FSTL5: variants seen among roughly 807,000 people sequenced by gnomAD.
The protein encoded by FSTL5 is follistatin like 5, also known as follistatin-related protein 5.
In FSTL5, 62 loss-of-function variants were observed where a neutral mutation model predicts 89.1. The observed-to-expected ratio is 0.70, with a 90% CI of 0.57 to 0.86. The LOEUF is 0.86. Ranked by LOEUF, FSTL5 falls within the 40% of genes least tolerant of loss-of-function variation. The pLI is 0.00. For synonymous variants in FSTL5, 383 were observed against 346.2 expected, an observed-to-expected ratio of 1.11 and a Z score of -1.18; for missense variants, 1,057 against 1,001.6, an observed-to-expected ratio of 1.06 and a Z score of -0.75.
At chr4:161,943,723 T>A (rs1038267684) in intron 3 of FSTL5, among the ~76,000 whole-genome samples, 2 of 151,258 alleles carry the variant, frequency 1.3e-5, no homozygotes, top group African/African-American at 4.9e-5. Context: ...GCCCGGCTAA[T>A]TTTTTGTATT....
At chr4:161,934,626 G>T (rs62331240) in intron 3 of FSTL5, among the ~76,000 whole-genome samples, 75,427 of 151,180 alleles carry the variant, frequency 0.5, 20,434 homozygotes, top group Non-Finnish European at 0.61. Context: ...GTTTTTTTTC[G>T]TTCTTTCTTT....
At chr4:161,952,217 CTCTT>C (rs1223172184) in intron 3 of FSTL5, among the ~76,000 whole-genome samples, 1 of 152,026 alleles carries the variant, frequency 6.6e-6, no homozygotes, top group Admixed American at 6.6e-5. Flanking sequence ...TCTCTTCTCT[CTCTT>C]TTTGATAGAA....
chr4:162,138,115 T>C (rs546665133), intron 1 of FSTL5, among the ~76,000 whole-genome samples: 21 of 151,286 alleles, frequency 1.4e-4, no homozygotes, highest in African/African-American at 4.4e-4. Flanking sequence ...AAAGCAGAAA[T>C]AAGAAAGTAA....
chr4:161,682,438 A>G (rs1037706981), intron 6 of FSTL5, among the ~76,000 whole-genome samples: 15 of 152,204 alleles, frequency 9.9e-5, no homozygotes, highest in African/African-American at 3.6e-4. Context: ...CACATTGTAC[A>G]GCTGCACAAC....
chr4:162,020,915 T>C (rs750775124), intron 3 of FSTL5, among the ~76,000 whole-genome samples: 16 of 152,150 alleles, frequency 1.1e-4, no homozygotes, highest in Non-Finnish European at 1.5e-4. Context: ...GAAAGGTCCT[T>C]TCATGTTTTA....
Position 161,653,403 on chromosome 4 carries a change from G to C in FSTL5, c.894+2925C>G, listed in dbSNP as rs117425273. Among the ~76,000 whole-genome samples the C allele has an allele frequency of 6.0e-3, 914 of 152,228 alleles. 9 individuals carry two copies. The highest frequency in any genetic ancestry group is 0.045 in the South Asian group (218 of 4,814). On this transcript the variant is annotated intron_variant, in intron 7 of 15. Transcript: ENST00000306100. Reference sequence around the variant, plus strand: ...TTTTCCTGTTCTTATTCATGAAATGGAATCTTGTTTATTGGTTTCTGTGTT... The same window carrying C: ...TTTTCCTGTTCTTATTCATGAAATGCAATCTTGTTTATTGGTTTCTGTGTT...
intron 6 of FSTL5, among the ~76,000 whole-genome samples, chr4:161,702,554 G>C (rs147940904): frequency 1.2e-3 from 181 of 152,190 alleles, no homozygotes; most frequent in African/African-American, 3.9e-3. Context: ...CCCTTCATCA[G>C]ACTGTGATCA....
At chr4:161,540,682 G>T (rs77626740) in intron 9 of FSTL5, among the ~76,000 whole-genome samples, 1 of 151,812 alleles carries the variant, frequency 6.6e-6, no homozygotes, top group East Asian at 1.9e-4. Flanking sequence ...TCCCCACCAG[G>T]AGCTACTATC....
At chr4:161,833,825 CTCTT>C (rs1730934427) in intron 4 of FSTL5, among the ~76,000 whole-genome samples, 1 of 151,774 alleles carries the variant, frequency 6.6e-6, no homozygotes, top group Non-Finnish European at 1.5e-5. Flanking sequence ...TGGGTCTTGA[CTCTT>C]TATCCAATTT....
At chr4:161,604,628 G>C (rs1306670175) in intron 7 of FSTL5, among the ~76,000 whole-genome samples, 1 of 152,076 alleles carries the variant, frequency 6.6e-6, no homozygotes. Context: ...AAAGTCACTG[G>C]GGTTACAAAA....
chr4:161,542,484 A>G, intron 9 of FSTL5, 48 bp downstream of exon 9: 1 of 1,244,980 alleles, frequency 8.0e-7, no homozygotes, highest in Non-Finnish European at 1.1e-6. Context: ...TTTTAGTATA[A>G]ATTTTCAACA....
intron 2 of FSTL5, among the ~76,000 whole-genome samples, chr4:162,044,660 G>T (rs1333359708): frequency 6.6e-6 from 1 of 152,180 alleles, no homozygotes; most frequent in East Asian, 1.9e-4. Context: ...ATAGGAGGTT[G>T]TTTCGTCCAA....
chr4:161,403,023 G>T (rs545334186), intron 15 of FSTL5, among the ~76,000 whole-genome samples: 1 of 152,096 alleles, frequency 6.6e-6, no homozygotes, highest in Admixed American at 6.6e-5. Flanking sequence ...TAGAGACGGG[G>T]TTTCACCGTG....
intron 7 of FSTL5, among the ~76,000 whole-genome samples, chr4:161,644,960 A>C (rs571264230): frequency 6.6e-6 from 1 of 152,296 alleles, no homozygotes; most frequent in African/African-American, 2.4e-5. Flanking sequence ...ATGAGGGTTA[A>C]AACTTAGCCA....
chr4:161,571,267 G>A (rs914958920), intron 8 of FSTL5, among the ~76,000 whole-genome samples: 1 of 152,124 alleles, frequency 6.6e-6, no homozygotes, highest in African/African-American at 2.4e-5. Flanking sequence ...TAAGGAAAAG[G>A]TGGAAAATAT....
chr4:161,743,755 A>G (rs1740102860), intron 6 of FSTL5, among the ~76,000 whole-genome samples: 1 of 152,170 alleles, frequency 6.6e-6, no homozygotes, highest in Non-Finnish European at 1.5e-5. Context: ...AGAAATGCTT[A>G]CAAATTTAAA....
At position 161,747,800 on chromosome 4, in the gene FSTL5, C is replaced by A. The variant is rs114435037; in HGVS notation, c.727+11611G>T. Among the ~76,000 whole-genome samples the A allele has an allele frequency of 8.2e-3, 1,249 of 152,272 alleles. 10 individuals carry two copies. Among genetic ancestry groups the A allele is most frequent in the African/African-American group, 0.028 (1,154 of 41,550 alleles). On this transcript the variant is annotated intron_variant, in intron 6 of 15. Coordinates refer to ENST00000306100, the MANE Select transcript of FSTL5 (RefSeq NM_020116.5). ...AATCCTCACTCAGGCAGCTACACAG[C>A]ACTTAGTGTACACACTTTGTTTCTA... is the stretch of plus-strand genomic sequence containing the variant.
At chr4:161,847,537 C>T (rs781341631) in intron 4 of FSTL5, among the ~76,000 whole-genome samples, 2 of 152,126 alleles carry the variant, frequency 1.3e-5, no homozygotes, top group African/African-American at 2.4e-5. Flanking sequence ...ATCTTTAGAG[C>T]GAAGGCACCT....
At chr4:161,616,373 A>G (rs984985252) in intron 7 of FSTL5, among the ~76,000 whole-genome samples, 7 of 152,050 alleles carry the variant, frequency 4.6e-5, no homozygotes, top group African/African-American at 1.7e-4. Flanking sequence ...GAAACACTAG[A>G]TTGGCTTAGT....
Sources: allele counts gnomAD v4.1 joint callset (sites outside exome capture counted in the v4.1 genomes callset), GRCh38; gene constraint gnomAD v4.1.1; transcripts MANE v1.5; gene names NCBI Gene and HGNC (gene_info 2026-07-23, HGNC 2026-07-21).